RGSL1: variants seen among roughly 807,000 people sequenced by gnomAD.
RGSL1 encodes regulator of G protein signaling like 1.
In RGSL1, 97 loss-of-function variants were observed where a neutral mutation model predicts 124.7. That is an observed-to-expected ratio of 0.78 (90% CI 0.66 to 0.92). RGSL1 has a LOEUF of 0.92. Among genes scored for constraint, RGSL1 ranks in the 40% least tolerant of loss-of-function variants. RGSL1 has a pLI of 0.00. For synonymous variants in RGSL1, 424 were observed against 438.1 expected, an observed-to-expected ratio of 0.97 and a Z score of 0.40; for missense variants, 1,233 against 1,288.4, an observed-to-expected ratio of 0.96 and a Z score of 0.66.
At chr1:182,490,339 T>C (rs1655425565) in intron 8 of RGSL1, among the ~76,000 whole-genome samples, 1 of 152,204 alleles carries the variant, frequency 6.6e-6, no homozygotes, top group Admixed American at 6.5e-5. Flanking sequence ...CCCTAATTTG[T>C]TCAGGATTAG....
chr1:182,558,263 G>A (rs533039383), intron 21 of RGSL1, among the ~76,000 whole-genome samples: 1 of 152,066 alleles, frequency 6.6e-6, no homozygotes, highest in South Asian at 2.1e-4. Flanking sequence ...TATGGGAGGG[G>A]AGGAAAAGGC....
chr1:182,540,986 CA>C (rs1293647127), intron 15 of RGSL1, among the ~76,000 whole-genome samples: 5 of 152,054 alleles, frequency 3.3e-5, no homozygotes, highest in African/African-American at 1.2e-4. Flanking sequence ...AATAGATTTA[CA>C]TATTTTGGAG....
chr1:182,545,359 C>T (rs1182721205), intron 15 of RGSL1, among the ~76,000 whole-genome samples: 1 of 152,134 alleles, frequency 6.6e-6, no homozygotes, highest in Non-Finnish European at 1.5e-5. Flanking sequence ...TTGCTTATCT[C>T]TTATCAGATT....
intron 14 of RGSL1, among the ~76,000 whole-genome samples, chr1:182,536,734 C>T (rs556309757): frequency 2.0e-5 from 3 of 152,230 alleles, no homozygotes; most frequent in South Asian, 2.1e-4. Flanking sequence ...ACGTGGATGG[C>T]GGCAGGCAGA....
chr1:182,546,378 C>T (rs1340065400), intron 15 of RGSL1, among the ~76,000 whole-genome samples: 1 of 151,904 alleles, frequency 6.6e-6, no homozygotes, highest in Non-Finnish European at 1.5e-5. Flanking sequence ...AACTGCCTGG[C>T]CACACCTAAC....
chr1:182,493,272 A>C, intron 9 of RGSL1, 143 bp downstream of exon 9: 1 of 621,892 alleles, frequency 1.6e-6, no homozygotes, highest in Non-Finnish European at 2.8e-6. Flanking sequence ...TTAGGGGGTA[A>C]TGACTATGTC....
At chr1:182,488,792 T>C in intron 7 of RGSL1, 188 bp from the exon 8 acceptor site, 2 of 478,102 alleles carry the variant, frequency 4.2e-6, no homozygotes, top group Non-Finnish European at 7.3e-6. Context: ...TTCTTCCTTA[T>C]AGAAAATGAG....
chr1:182,509,529 C>T (rs1347406920), intron 9 of RGSL1, among the ~76,000 whole-genome samples: 1 of 100,126 alleles, frequency 1.0e-5, no homozygotes, highest in Non-Finnish European at 2.1e-5. Context: ...GGCAGCTGGC[C>T]GGGTGGGGGG....
chr1:182,551,731 T>C (rs1049059902), intron 18 of RGSL1, among the ~76,000 whole-genome samples: 6 of 132,150 alleles, frequency 4.5e-5, no homozygotes, highest in African/African-American at 1.8e-4. Context: ...TAAGTAAATA[T>C]GCATACATAT....
rs1655654897 is a variant in RGSL1 at position 182,493,078 on chromosome 1, C to G, written c.1774C>G (p.Gln592Glu). 6.4e-7 allele frequency: 1 copy of G among 1,551,666 alleles called. No individual in the cohort carries two copies. Residue 592 changes from glutamine to glutamate, a missense_variant, in exon 9 of 22, where the codon CAG becomes GAG. Gln to Glu is a conservative substitution (Grantham distance 29). Coordinates refer to ENST00000294854, the MANE Select transcript of RGSL1 (RefSeq NM_001137669.2). ...LCYKNPKMAI[Q>E]KISDDYKIYC... is the part of the protein sequence containing the mutation. The stretch of plus-strand genomic sequence containing the variant: ...CTACAAGAACCCAAAGATGGCCATA[C>G]AGAAGATCAGTGATGACTACAAAAT...
At chr1:182,495,715 T>C (rs897089033) in intron 9 of RGSL1, among the ~76,000 whole-genome samples, 9 of 152,170 alleles carry the variant, frequency 5.9e-5, no homozygotes, top group African/African-American at 2.2e-4. Context: ...AGATGGTCCA[T>C]TCATGAAACA....
chr1:182,458,720 G>A (rs910887252), intron 3 of RGSL1, among the ~76,000 whole-genome samples: 5 of 151,974 alleles, frequency 3.3e-5, no homozygotes, highest in African/African-American at 4.8e-5. Context: ...CAATTCACCC[G>A]CCTCGGCCTC....
chr1:182,468,170 G>C (rs1307143246), intron 4 of RGSL1, among the ~76,000 whole-genome samples: 1 of 152,196 alleles, frequency 6.6e-6, no homozygotes, highest in Non-Finnish European at 1.5e-5. Context: ...CTGTTGGTGG[G>C]ACTGTAAACT....
At position 182,469,234 on chromosome 1, in the gene RGSL1, AT is replaced by A. The variant is rs528472473; in HGVS notation, c.302-3161del. On this transcript the variant is annotated intron_variant, in intron 4 of 21. Transcript: ENST00000294854. ...CAAAAGTAAAAAGGCAGCCTAAAGA[AT>A]GGAAGAAAATACTTCAAAATCATAT... 1.4e-3 allele frequency among the ~76,000 whole-genome samples: 212 copies of A among 152,308 alleles called. 2 individuals carry two copies. The highest frequency in any genetic ancestry group is 6.8e-3 in the Middle Eastern group (2 of 294).
At chr1:182,513,664 A>G (rs180811484) in intron 9 of RGSL1, among the ~76,000 whole-genome samples, 8 of 152,156 alleles carry the variant, frequency 5.3e-5, no homozygotes, top group African/African-American at 1.7e-4. Context: ...GTGTCTCCCT[A>G]TCTCTATTGT....
chr1:182,478,538 CAG>C (rs1654466485), intron 6 of RGSL1, among the ~76,000 whole-genome samples: 2 of 151,910 alleles, frequency 1.3e-5, no homozygotes, highest in African/African-American at 4.8e-5. Context: ...AACTCAAAGA[CAG>C]ATCATTTCAG....
At chr1:182,544,814 CT>C (rs1011526683) in intron 15 of RGSL1, among the ~76,000 whole-genome samples, 3 of 152,054 alleles carry the variant, frequency 2.0e-5, no homozygotes, top group African/African-American at 7.2e-5. Flanking sequence ...GCTATCCCAG[CT>C]CTTTTTTTGG....
chr1:182,553,404 C>T, intron 18 of RGSL1, 51 bp from the exon 19 acceptor site: 2 of 1,351,886 alleles, frequency 1.5e-6, no homozygotes, highest in East Asian at 2.5e-5. Context: ...AGATTTATTT[C>T]AGTAGGAGTT....
At chr1:182,521,711 A>T (rs1317510035) in intron 9 of RGSL1, among the ~76,000 whole-genome samples, 1 of 152,218 alleles carries the variant, frequency 6.6e-6, no homozygotes, top group African/African-American at 2.4e-5. Context: ...GAGGCCTGAC[A>T]TTTGACATTA....
Sources: allele counts gnomAD v4.1 joint callset (sites outside exome capture counted in the v4.1 genomes callset), GRCh38; gene constraint gnomAD v4.1.1; transcripts MANE v1.5; gene names NCBI Gene and HGNC (gene_info 2026-07-23, HGNC 2026-07-21).